Variants in BANK1 observed in about 807,000 individuals in gnomAD.
BANK1 encodes the protein B cell scaffold protein with ankyrin repeats 1.
A neutral mutation model predicts 94.5 loss-of-function variants in BANK1; 95 were observed. The observed-to-expected ratio is 1.00, with a 90% confidence interval of 0.85 to 1.19. The LOEUF (loss-of-function observed/expected upper bound fraction) is 1.19. BANK1 is among the 50% of genes most tolerant of loss of function. The pLI, the probability that BANK1 is intolerant of heterozygous loss-of-function variation, is 0.00. For synonymous variants in BANK1, 334 were observed against 308.4 expected (o/e 1.08, Z -0.87); for missense variants, 987 against 932.2 (o/e 1.06, Z -0.77).
chr4:102,063,278 C>A, intron 13 of BANK1, 140 bp downstream of exon 13: 1 of 682,412 alleles, frequency 1.5e-6, no homozygotes, highest in Non-Finnish European at 2.4e-6. Context: ...GTCTTAATCT[C>A]TGGTAGTCAA....
intron 4 of BANK1, 62 bp from the exon 5 acceptor site, chr4:101,870,443 G>C: frequency 7.2e-7 from 1 of 1,398,444 alleles, no homozygotes; most frequent in Non-Finnish European, 9.5e-7. Context: ...TTCTCTAAAA[G>C]ATGTAATAGT....
rs890081695 is a variant in BANK1 at position 101,892,802 on chromosome 4, T to A, written c.904-2503T>A. Among the ~76,000 whole-genome samples, 3 of 151,998 alleles carry A rather than the reference T, an allele frequency of 2.0e-5. No individual in the cohort carries two copies. The South Asian group carries it at 6.2e-4, about 31-fold the overall frequency. On this transcript the variant is annotated intron_variant, in intron 5 of 16. Coordinates refer to ENST00000322953, the MANE Select transcript of BANK1 (RefSeq NM_017935.5). The stretch of plus-strand genomic sequence containing the variant: ...AAGAAGAGAAAAATTCTAATTTATG[T>A]CATTTTAAAATTTCAATGCCAATGT...
chr4:101,923,154 CA>C (rs1477009167), intron 7 of BANK1, among the ~76,000 whole-genome samples: 4 of 151,744 alleles, frequency 2.6e-5, no homozygotes, highest in African/African-American at 7.2e-5. Context: ...AGAAGACCCA[CA>C]AAAAATATTG....
At chr4:101,934,537 T>A (rs1024281773) in intron 7 of BANK1, among the ~76,000 whole-genome samples, 1 of 151,530 alleles carries the variant, frequency 6.6e-6, no homozygotes, top group African/African-American at 2.4e-5. Context: ...AGCTACTCCT[T>A]TGTCTTGAGA....
rs568387969 is a variant in BANK1 at position 102,011,898 on chromosome 4, C to A, written c.1207-9616C>A. Among the ~76,000 whole-genome samples, 10 of 152,206 alleles carry A rather than the reference C, an allele frequency of 6.6e-5. No homozygotes were observed. In the South Asian group the frequency reaches 2.1e-3, roughly 32 times the overall value. On this transcript the variant is annotated intron_variant, in intron 7 of 16. Coordinates refer to ENST00000322953, the MANE Select transcript of BANK1 (RefSeq NM_017935.5). Reference sequence around the variant, plus strand: ...TAGGTAAGATCTAAGTGTGTACCTCCTGCTGATAAACTCATCGAAGTTCAG... The same window carrying A: ...TAGGTAAGATCTAAGTGTGTACCTCATGCTGATAAACTCATCGAAGTTCAG...
At chr4:101,795,328 A>G (rs954134482) in intron 1 of BANK1, among the ~76,000 whole-genome samples, 2 of 148,866 alleles carry the variant, frequency 1.3e-5, no homozygotes, top group African/African-American at 5.0e-5. Flanking sequence ...ATTGTTCAGT[A>G]TAGTCATATG....
At chr4:102,035,211 G>T (rs147161175) in intron 10 of BANK1, among the ~76,000 whole-genome samples, 356 of 152,254 alleles carry the variant, frequency 2.3e-3, no homozygotes, top group Admixed American at 6.0e-3. Context: ...GAAGGGAAGA[G>T]CCCACACAGA....
chr4:101,922,107 T>G (rs1723021865), intron 7 of BANK1, among the ~76,000 whole-genome samples: 1 of 151,350 alleles, frequency 6.6e-6, no homozygotes, highest in Non-Finnish European at 1.5e-5. Context: ...GGCCCTAATC[T>G]TTTTCAGATA....
At chr4:101,948,544 T>A (rs1358018822) in intron 7 of BANK1, among the ~76,000 whole-genome samples, 1 of 152,160 alleles carries the variant, frequency 6.6e-6, no homozygotes, top group Non-Finnish European at 1.5e-5. Context: ...TTTAGGAAAC[T>A]CAGTCTCTGT....
At chr4:101,997,981 T>C (rs2903274) in intron 7 of BANK1, among the ~76,000 whole-genome samples, 113,562 of 151,982 alleles carry the variant, frequency 0.75, 44,804 homozygotes, top group Non-Finnish European at 0.88. Context: ...TTTGCTTTTG[T>C]TTCTCTAGTT....
At chr4:101,901,748 G>T (rs552857316) in intron 6 of BANK1, among the ~76,000 whole-genome samples, 1 of 44,630 alleles carries the variant, frequency 2.2e-5, no homozygotes, top group East Asian at 3.5e-4. Flanking sequence ...ATCTCCAGAC[G>T]CTTTTTGTTT....
At chr4:101,889,317 T>C (rs927231827) in intron 5 of BANK1, among the ~76,000 whole-genome samples, 1 of 152,194 alleles carries the variant, frequency 6.6e-6, no homozygotes, top group African/African-American at 2.4e-5. Flanking sequence ...TTGTAAGTCT[T>C]GCTAGAAGTT....
intron 11 of BANK1, among the ~76,000 whole-genome samples, chr4:102,056,594 G>A (rs887910891): frequency 2.6e-5 from 4 of 152,050 alleles, no homozygotes; most frequent in South Asian, 4.2e-4. Context: ...AGACGTTTAC[G>A]ATACCTGTTT....
At chr4:102,047,826 T>G (rs551911594) in intron 11 of BANK1, among the ~76,000 whole-genome samples, 1 of 151,592 alleles carries the variant, frequency 6.6e-6, no homozygotes, top group Non-Finnish European at 1.5e-5. Context: ...CAGAGAGCAA[T>G]GCAAGGAAGG....
intron 5 of BANK1, among the ~76,000 whole-genome samples, chr4:101,875,136 C>G (rs564848110): frequency 6.6e-6 from 1 of 152,238 alleles, no homozygotes; most frequent in African/African-American, 2.4e-5. Flanking sequence ...GAAAGAGGCA[C>G]TGAAGAGGTA....
chr4:101,926,757 G>C (rs556289656), intron 7 of BANK1, among the ~76,000 whole-genome samples: 1 of 151,830 alleles, frequency 6.6e-6, no homozygotes, highest in African/African-American at 2.4e-5. Context: ...TATTCACTGA[G>C]GAGTACTTTT....
intron 5 of BANK1, among the ~76,000 whole-genome samples, chr4:101,879,151 A>G (rs1728590272): frequency 6.6e-6 from 1 of 152,112 alleles, no homozygotes; most frequent in Admixed American, 6.5e-5. Flanking sequence ...AACAATATAA[A>G]AGATCAATGA....
At chr4:101,814,074 T>G in intron 1 of BANK1, 1 of 191,784 alleles carries the variant, frequency 5.2e-6, no homozygotes. Flanking sequence ...TTCCAAAGTG[T>G]GACATCCCAT....
At chr4:102,051,600 T>C (rs1728048074) in intron 11 of BANK1, among the ~76,000 whole-genome samples, 1 of 152,180 alleles carries the variant, frequency 6.6e-6, no homozygotes, top group South Asian at 2.1e-4. Flanking sequence ...ATCAGTAGTC[T>C]ACCCCTACTG....
Sources: allele counts gnomAD v4.1 joint callset (sites outside exome capture counted in the v4.1 genomes callset), GRCh38; gene constraint gnomAD v4.1.1; transcripts MANE v1.5; gene names NCBI Gene and HGNC (gene_info 2026-07-23, HGNC 2026-07-21).